The following CDK19 variants were observed in gnomAD, a reference collection of about 807,000 sequenced individuals.
The protein encoded by CDK19 is cyclin-dependent kinase 19.
CDK19 carries 20 observed loss-of-function variants against 68.3 expected under a neutral mutation model. The observed-to-expected ratio is 0.29, with a 90% confidence interval of 0.21 to 0.43. The LOEUF is 0.43. CDK19 is among the 20% of genes least tolerant of loss of function. CDK19 has a pLI of 1.00. For missense variants in CDK19, 339 were observed against 623.5 expected (o/e 0.54, Z 4.86); for synonymous variants, 221 against 222.8 (o/e 0.99, Z 0.07).
chr6:110,621,041 G>A lies in CDK19; in HGVS notation c.1377+63C>T. On this transcript the variant is annotated intron_variant, in intron 12 of 12. Coordinates refer to ENST00000368911, the MANE Select transcript of CDK19 (RefSeq NM_015076.5). This position sits in a 1 kb window ranked among gnomAD's most constrained non-coding sequence, Gnocchi z 5.4. The stretch of plus-strand genomic sequence containing the variant: ...GTTAAGTGTTACTTAACTCTAAAAG[G>A]ATCTAGGATAAATCTTTTCCCCACT... 9 of 1,476,680 alleles carry A rather than the reference G, an allele frequency of 6.1e-6. No homozygotes were observed. The highest frequency in any genetic ancestry group is 7.4e-6 in the Non-Finnish European group (8 of 1,086,424). 91.5% of individuals were successfully genotyped at this position (1,476,680 alleles called of 1,614,324 possible).
chr6:110,757,199 A>C (rs2114932869), intron 1 of CDK19, among the ~76,000 whole-genome samples: 1 of 152,318 alleles, frequency 6.6e-6, no homozygotes, highest in African/African-American at 2.4e-5. Context: ...TTAGAGGATT[A>C]ATTAACAGGA....
intron 1 of CDK19, among the ~76,000 whole-genome samples, chr6:110,795,816 A>T (rs1583121106): frequency 6.6e-6 from 1 of 152,160 alleles, no homozygotes; most frequent in African/African-American, 2.4e-5. Flanking sequence ...ATAAGAGTAT[A>T]AACATCCACT....
chr6:110,681,835 G>A (rs898158326), intron 2 of CDK19, among the ~76,000 whole-genome samples: 10 of 152,158 alleles, frequency 6.6e-5, no homozygotes, highest in Admixed American at 2.0e-4. Context: ...TCCCACTGGA[G>A]CCTAATGAAG....
At position 110,648,538 on chromosome 6, in the gene CDK19, C is replaced by CTTTTTT. The variant is rs60624969; in HGVS notation, c.457-9838_457-9833dup. On this transcript the variant is annotated intron_variant, in intron 4 of 12. Transcript: ENST00000368911. ...AACACCATGAAATCTTTTTTCTTTT[C>CTTTTTT]TTTTTTTTTTTTTTTTTTTTGAGAA... 2.6e-3 allele frequency among the ~76,000 whole-genome samples: 315 copies of CTTTTTT among 120,166 alleles called. 1 individual carries two copies. Among genetic ancestry groups the CTTTTTT allele is most frequent in the East Asian group, 6.3e-3 (24 of 3,798 alleles). 78.8% of individuals were successfully genotyped at this position (120,166 alleles called of 152,430 possible).
At chr6:110,734,520 G>GCTCTCTCTCT (rs34004722) in intron 2 of CDK19, among the ~76,000 whole-genome samples, 5,033 of 85,620 alleles carry the variant, frequency 0.059, 786 homozygotes, top group Middle Eastern at 0.12. Context: ...GGTGAGCACT[G>GCTCTCTCTCT]CTCTCTCTCT....
intron 5 of CDK19, among the ~76,000 whole-genome samples, chr6:110,634,907 T>C (rs995084613): frequency 3.3e-5 from 5 of 152,214 alleles, no homozygotes; most frequent in African/African-American, 1.2e-4. Flanking sequence ...CACTCGCAGA[T>C]GCAATCAAGG....
At chr6:110,629,741 A>G (rs144019067) in intron 6 of CDK19, among the ~76,000 whole-genome samples, 17 of 152,312 alleles carry the variant, frequency 1.1e-4, no homozygotes, top group African/African-American at 3.8e-4. Context: ...TGCTATTAAC[A>G]TATTTGAAGC....
chr6:110,648,029 C>T (rs1328546672), intron 4 of CDK19, among the ~76,000 whole-genome samples: 3 of 152,076 alleles, frequency 2.0e-5, no homozygotes, highest in African/African-American at 7.2e-5. Flanking sequence ...GAATTTAACA[C>T]TCATTCATGA....
At chr6:110,631,669 C>G (rs188111227) in intron 6 of CDK19, among the ~76,000 whole-genome samples, 1 of 152,168 alleles carries the variant, frequency 6.6e-6, no homozygotes, top group Non-Finnish European at 1.5e-5. Context: ...CAATACTGCA[C>G]TACTCCTGTT....
chr6:110,752,241 C>T (rs2114909277), intron 1 of CDK19, among the ~76,000 whole-genome samples: 1 of 152,168 alleles, frequency 6.6e-6, no homozygotes, highest in South Asian at 2.1e-4. Flanking sequence ...AAATAAATGA[C>T]AGTAATGCTG....
intron 1 of CDK19, chr6:110,773,968 A>C (rs1260706805): frequency 6.6e-6 from 1 of 152,176 alleles, no homozygotes; most frequent in Non-Finnish European, 1.5e-5. Context: ...AAAGGCAGAG[A>C]AGTTTATGTA....
intron 1 of CDK19, among the ~76,000 whole-genome samples, chr6:110,751,054 C>T (rs1259926840): frequency 1.3e-5 from 2 of 152,012 alleles, no homozygotes; most frequent in African/African-American, 2.4e-5. Flanking sequence ...AGGCTGGTCT[C>T]GACTCCTGGC....
chr6:110,743,154 T>A (rs560934577), intron 2 of CDK19, among the ~76,000 whole-genome samples: 11 of 152,302 alleles, frequency 7.2e-5, no homozygotes, highest in African/African-American at 2.4e-4. Context: ...AATAAAACAA[T>A]AATTATAAAA....
At chr6:110,632,250 T>C in intron 5 of CDK19, 89 bp from the exon 6 acceptor site, 1 of 1,009,886 alleles carries the variant, frequency 9.9e-7, no homozygotes, top group South Asian at 1.5e-5. Context: ...CAGTTTGACA[T>C]GCTATTAGAA....
chr6:110,815,385 C>G lies in CDK19; in HGVS notation c.-249G>C. The G allele has an allele frequency of 2.7e-6, 1 of 374,832 alleles. No homozygotes were observed. Among genetic ancestry groups the G allele is most frequent in the Non-Finnish European group, 4.7e-6 (1 of 212,320 alleles). 23.2% of individuals were successfully genotyped at this position (374,832 alleles called of 1,614,324 possible). ...CGGCGGCGGCTCCCGCAGGCACCCC[C>G]AGTCCCGCCTCCCTCCTTCATTTCC... On this transcript the variant is annotated 5_prime_UTR_variant, in exon 1 of 13. Coordinates refer to ENST00000368911, the MANE Select transcript of CDK19 (RefSeq NM_015076.5).
At chr6:110,814,404 G>GC (rs1418757395) in intron 1 of CDK19, among the ~76,000 whole-genome samples, 1 of 152,238 alleles carries the variant, frequency 6.6e-6, no homozygotes, top group Non-Finnish European at 1.5e-5. Context: ...GGGACGCCGG[G>GC]CATACAACAG....
In CDK19 at chr6:110,614,422, G is replaced by T; in HGVS notation, c.*113C>A. The T allele has an allele frequency of 1.1e-6, 1 of 923,364 alleles. No homozygotes were observed. Among genetic ancestry groups the T allele is most frequent in the Non-Finnish European group, 1.6e-6 (1 of 611,008 alleles). 57.2% of individuals were successfully genotyped at this position (923,364 alleles called of 1,614,324 possible). On this transcript the variant is annotated 3_prime_UTR_variant, in exon 13 of 13. Transcript: ENST00000368911. ...TCAGTATATAAGGTTTTCCTCCCAT[G>T]TGTATGAGTTTTAAATGGCATCATA...
At chr6:110,802,231 C>T (rs983891045) in intron 1 of CDK19, among the ~76,000 whole-genome samples, 1 of 152,132 alleles carries the variant, frequency 6.6e-6, no homozygotes, top group African/African-American at 2.4e-5. Context: ...CACCTGCACT[C>T]GTATATTTAT....
At chr6:110,683,113 T>C (rs1182771797) in intron 2 of CDK19, among the ~76,000 whole-genome samples, 1 of 147,612 alleles carries the variant, frequency 6.8e-6, no homozygotes, top group Non-Finnish European at 1.5e-5. Context: ...GAGGCGGAGG[T>C]TGCAGTGAGT....
Sources: allele counts gnomAD v4.1 joint callset (sites outside exome capture counted in the v4.1 genomes callset), GRCh38; gene constraint gnomAD v4.1.1; non-coding constraint Gnocchi (gnomAD v3.1); transcripts MANE v1.5; gene names NCBI Gene and HGNC (gene_info 2026-07-23, HGNC 2026-07-21).